The following PPARGC1A variants were observed in gnomAD, a reference collection of about 807,000 sequenced individuals.
PPARGC1A encodes the protein peroxisome proliferator-activated receptor gamma coactivator 1-alpha.
Under a neutral mutation model 88.7 loss-of-function variants are expected in PPARGC1A, and 25 were observed. That is an observed-to-expected ratio of 0.28 (90% CI 0.21 to 0.39). The LOEUF is 0.39. Ranked by LOEUF, PPARGC1A falls within the 10% of genes least tolerant of loss-of-function variation. The pLI, the probability that PPARGC1A is intolerant of heterozygous loss-of-function variation, is 1.00. For synonymous variants in PPARGC1A, 363 were observed against 355.6 expected (o/e 1.02, Z -0.24); for missense variants, 880 against 968.7 (o/e 0.91, Z 1.22).
chr4:24,467,192 T>C, the PPARGC1A span, among the ~76,000 whole-genome samples: 3 of 152,076 alleles, frequency 2.0e-5, no homozygotes, highest in Admixed American at 6.5e-5. Context: ...GCCAGCCTTA[T>C]TGGAAGACCT....
the PPARGC1A span, among the ~76,000 whole-genome samples, chr4:24,374,217 T>C: frequency 6.6e-6 from 1 of 152,290 alleles, no homozygotes; most frequent in South Asian, 2.1e-4. Context: ...TGACCCAAGT[T>C]GGTATTTCTT....
the PPARGC1A span, among the ~76,000 whole-genome samples, chr4:24,079,042 C>T: frequency 6.7e-4 from 102 of 152,038 alleles, 1 homozygote; most frequent in Admixed American, 1.6e-3. Flanking sequence ...ATTAACCTAT[C>T]ATTGGAAATT....
chr4:24,065,516 G>T, the PPARGC1A span, among the ~76,000 whole-genome samples: 6 of 152,302 alleles, frequency 3.9e-5, no homozygotes. Flanking sequence ...GCTTTTCATA[G>T]AATTCATACC....
chr4:23,844,842 T>C lies in PPARGC1A; in HGVS notation c.235-13091A>G, dbSNP rs184656123. 6.5e-3 allele frequency among the ~76,000 whole-genome samples: 797 copies of C among 122,522 alleles called. 17 individuals are homozygous for C. Among genetic ancestry groups the C allele is most frequent in the South Asian group, 0.049 (212 of 4,320 alleles). The allele number at this position is 122,522 out of a possible 152,430, so 80.4% of individuals were successfully genotyped here. ...TGATATATATTATTATAATATATGA[T>C]ATATATTATTATAATATATGATATA... On this transcript the variant is annotated intron_variant, in intron 2 of 12. Coordinates refer to ENST00000264867, the MANE Select transcript of PPARGC1A (RefSeq NM_013261.5).
At chr4:23,828,014 G>T (rs1189573518) in intron 5 of PPARGC1A, among the ~76,000 whole-genome samples, 2 of 152,076 alleles carry the variant, frequency 1.3e-5, no homozygotes, top group Non-Finnish European at 2.9e-5. Context: ...CAAATCACTG[G>T]TGCCTCATTT....
At chr4:24,430,779 C>T in the PPARGC1A span, among the ~76,000 whole-genome samples, 1 of 151,960 alleles carries the variant, frequency 6.6e-6, no homozygotes, top group Non-Finnish European at 1.5e-5. Flanking sequence ...GGCAAGAGTC[C>T]AGAAGAGACA....
At chr4:23,983,343 C>A in the PPARGC1A span, among the ~76,000 whole-genome samples, 1 of 152,098 alleles carries the variant, frequency 6.6e-6, no homozygotes, top group South Asian at 2.1e-4. Context: ...TGAAGGACAT[C>A]GTGAGACAAA....
chr4:23,795,905 CAA>C lies in PPARGC1A; in HGVS notation c.2312_2313del (p.Phe771Ter), dbSNP rs766933375. On this transcript the variant is annotated frameshift_variant, in exon 13 of 13. Transcript: ENST00000264867. LOFTEE classifies it high-confidence loss of function. Reference sequence around the variant, plus strand: ...TACTTGCTCTTGGTGGAAGCAGGGTCAAAGTCATCTGAGTTTGAATCTGAAAA... The same window carrying C: ...TACTTGCTCTTGGTGGAAGCAGGGTCAGTCATCTGAGTTTGAATCTGAAAA... ...YADLDSNSDDFDPASTKSKYD... is the reference protein window; with the variant it reads ...YADLDSNSDDXDPASTKSKYD... The C allele has an allele frequency of 1.2e-6, 2 of 1,610,906 alleles. No homozygotes were observed. The highest frequency in any genetic ancestry group is 1.7e-6 in the Non-Finnish European group (2 of 1,178,700).
At chr4:24,410,296 T>A in the PPARGC1A span, among the ~76,000 whole-genome samples, 1 of 151,656 alleles carries the variant, frequency 6.6e-6, no homozygotes, top group African/African-American at 2.4e-5. Context: ...TATATACACA[T>A]ACACATATGT....
At chr4:24,018,475 G>T in the PPARGC1A span, among the ~76,000 whole-genome samples, 1 of 152,074 alleles carries the variant, frequency 6.6e-6, no homozygotes, top group African/African-American at 2.4e-5. Context: ...GTGAGGGTTT[G>T]GATGTGGGGT....
chr4:24,148,728 T>C, the PPARGC1A span, among the ~76,000 whole-genome samples: 6 of 152,330 alleles, frequency 3.9e-5, no homozygotes, highest in South Asian at 1.2e-3. Context: ...AGTTCAAACA[T>C]GCTAAGTCAG....
the PPARGC1A span, among the ~76,000 whole-genome samples, chr4:24,378,073 A>G: frequency 6.6e-6 from 1 of 152,194 alleles, no homozygotes; most frequent in African/African-American, 2.4e-5. Flanking sequence ...GCAGTGGCTC[A>G]CACCTGTAAT....
chr4:24,442,034 C>T, the PPARGC1A span, among the ~76,000 whole-genome samples: 4 of 152,002 alleles, frequency 2.6e-5, no homozygotes, highest in Non-Finnish European at 4.4e-5. Context: ...TCTCCTTGGT[C>T]GTGTTTCATT....
chr4:23,988,926 CTAT>C, the PPARGC1A span, among the ~76,000 whole-genome samples: 1 of 145,860 alleles, frequency 6.9e-6, no homozygotes, highest in African/African-American at 2.5e-5. Context: ...ATAATATATA[CTAT>C]ATTATATATA....
intron 10 of PPARGC1A, among the ~76,000 whole-genome samples, chr4:23,812,524 T>C (rs1484258407): frequency 6.6e-6 from 1 of 152,118 alleles, no homozygotes; most frequent in African/African-American, 2.4e-5. Context: ...AACTTCAAAA[T>C]GAAACTGTGA....
chr4:24,146,949 G>T, the PPARGC1A span, among the ~76,000 whole-genome samples: 1 of 152,148 alleles, frequency 6.6e-6, no homozygotes, highest in African/African-American at 2.4e-5. Flanking sequence ...CATGAGGTCA[G>T]GAATATAACT....
At chr4:24,211,429 A>T in the PPARGC1A span, among the ~76,000 whole-genome samples, 7 of 152,202 alleles carry the variant, frequency 4.6e-5, no homozygotes, top group Non-Finnish European at 1.0e-4. Context: ...AGCTGCCAGG[A>T]TACAGAAGGG....
At chr4:24,399,088 C>T in the PPARGC1A span, among the ~76,000 whole-genome samples, 72 of 152,230 alleles carry the variant, frequency 4.7e-4, no homozygotes, top group East Asian at 3.9e-3. Flanking sequence ...GCCTGGTTTC[C>T]GGTCCCCAGT....
At chr4:23,926,509 G>A in the PPARGC1A span, among the ~76,000 whole-genome samples, 1 of 152,022 alleles carries the variant, frequency 6.6e-6, no homozygotes. Context: ...TATCATTTCA[G>A]CCCCTCAACA....
Sources: gnomAD v4.1 joint callset for allele counts (sites outside exome capture counted in the v4.1 genomes callset) on GRCh38, gnomAD v4.1.1 for gene constraint, MANE v1.5 for transcripts, NCBI Gene and HGNC (gene_info 2026-07-23, HGNC 2026-07-21) for gene names.